Variants in LRP10 observed in about 807,000 individuals in gnomAD.
The protein encoded by LRP10 is LDL receptor related protein 10, also known as low-density lipoprotein receptor-related protein 10.
Under a neutral mutation model 58.5 loss-of-function variants are expected in LRP10, and 42 were observed. The ratio of observed to expected loss-of-function variants is 0.72; its 90% CI spans 0.56 to 0.93. LRP10 has a LOEUF of 0.93. Among genes scored for constraint, LRP10 ranks in the 40% least tolerant of loss-of-function variants. The pLI, the probability that LRP10 is intolerant of heterozygous loss-of-function variation, is 0.00. For synonymous variants in LRP10, 377 were observed against 388.5 expected, an observed-to-expected ratio of 0.97 and a Z score of 0.35; for missense variants, 872 against 940.1, an observed-to-expected ratio of 0.93 and a Z score of 0.95.
Position 22,872,034 on chromosome 14 carries a change from G to C in LRP10, c.-270G>C, listed in dbSNP as rs1404801760. The C allele has an allele frequency of 1.8e-6, 1 of 569,432 alleles. No individual in the cohort carries two copies. The highest frequency in any genetic ancestry group is 2.0e-5 in the South Asian group (1 of 49,480). 35.3% of individuals were successfully genotyped at this position (569,432 alleles called of 1,614,324 possible). A position where few individuals can be genotyped will look rare whatever the true frequency, so the allele number is the denominator to read the frequency against. On this transcript the variant is annotated 5_prime_UTR_variant, in exon 1 of 7. Transcript: ENST00000359591. Reference sequence around the variant, plus strand: ...GGGCGCGCCCCAGTGCCGAGACCCGGGGCTTCAGGAGCCGGCCCCGGGAGA... The same window carrying C: ...GGGCGCGCCCCAGTGCCGAGACCCGCGGCTTCAGGAGCCGGCCCCGGGAGA...
chr14:22,875,702 G>A lies in LRP10; in HGVS notation c.754G>A (p.Gly252Ser), dbSNP rs568022752. 2.5e-5 allele frequency: 40 copies of A among 1,613,906 alleles called. No homozygotes were observed. Among genetic ancestry groups the A allele is most frequent in the South Asian group, 7.7e-5 (7 of 91,084 alleles). ...GFGDAVHVYD[G>S]PGPPESSRLL... is the part of the protein sequence containing the mutation. ...TGGAGATGCAGTGCATGTGTATGAC[G>A]GCCCTGGGCCCCCTGAGAGCTCCCG... is the stretch of plus-strand genomic sequence containing the variant. The change falls in exon 5 of 7, where the codon GGC becomes AGC. Residue 252 changes from glycine to serine, a missense_variant. Transcript: ENST00000359591.
intron 6 of LRP10, 48 bp downstream of exon 6, chr14:22,876,866 G>A (rs1254653652): frequency 1.2e-6 from 2 of 1,604,704 alleles, no homozygotes; most frequent in African/African-American, 1.3e-5. Flanking sequence ...CAGTTCTGCT[G>A]TGGCCCCGCC....
intron 3 of LRP10, 80 bp downstream of exon 3, chr14:22,873,526 C>CTTTT: frequency 6.5e-6 from 8 of 1,230,190 alleles, no homozygotes; most frequent in Admixed American, 3.0e-5. Flanking sequence ...GGGATCACTT[C>CTTTT]TTTTTTTTTT....
chr14:22,877,757 C>T lies in LRP10; in HGVS notation c.*230C>T, dbSNP rs898810029. 1 of 437,044 alleles carries T rather than the reference C, an allele frequency of 2.3e-6. No individual in the cohort carries two copies. The highest frequency in any genetic ancestry group is 2.0e-5 in the African/African-American group (1 of 49,442). The allele number at this position is 437,044 out of a possible 1,614,324, so 27.1% of individuals were successfully genotyped here. ...CTGTACGTGGCCATGGCCAGACACC[C>T]CAGTCCCTTCACCACCACCTGCTCC... is the stretch of plus-strand genomic sequence containing the variant. On this transcript the variant is annotated 3_prime_UTR_variant, in exon 7 of 7. Transcript: ENST00000359591. The surrounding 1 kb of genome is among the most constrained non-coding windows in gnomAD (Gnocchi z 5.1).
chr14:22,874,221 A>G (rs1198132285), intron 3 of LRP10, among the ~76,000 whole-genome samples: 1 of 152,238 alleles, frequency 6.6e-6, no homozygotes, highest in Non-Finnish European at 1.5e-5. Context: ...TTTGCCTCAC[A>G]TAGTTCATTT....
At chr14:22,872,681 A>C in intron 1 of LRP10, 57 bp from the exon 2 acceptor site, 1 of 1,572,490 alleles carries the variant, frequency 6.4e-7, no homozygotes, top group Non-Finnish European at 8.7e-7. Context: ...GCTCAGGTGA[A>C]GAAGAAAACT....
Position 22,875,853 on chromosome 14 carries a change from A to G in LRP10, c.905A>G (p.Tyr302Cys), listed in dbSNP as rs2039998764. 6.2e-7 allele frequency: 1 copy of G among 1,613,854 alleles called. No individual in the cohort carries two copies. Among genetic ancestry groups the G allele is most frequent in the African/African-American group, 1.3e-5 (1 of 74,932 alleles). The change falls in exon 5 of 7, where the codon TAC becomes TGC. Residue 302 changes from tyrosine (Y) to cysteine (C), a missense_variant. Transcript: ENST00000359591. ...WSNGRGFNAT[Y>C]HVRGYCLPWD... ...AATGGTCGTGGCTTCAATGCCACCT[A>G]CCATGTGCGGGGCTATTGCTTGCCT...
At position 22,876,364 on chromosome 14, in the gene LRP10, G is replaced by A. The variant is rs754287951; in HGVS notation, c.1416G>A (p.Gln472=). The A allele has an allele frequency of 2.5e-6, 4 of 1,613,558 alleles. No individual in the cohort carries two copies. The African/African-American group carries it at 5.3e-5, about 22-fold the overall frequency. ...GCAAGCTCTATGCCATTCGCACCCA[G>A]GAGTACAGGTCAGTGGGAGTGGGGC... ...CTCKLYAIRT[Q]EYSIFAPLSR... is the part of the protein sequence containing the mutation. The change falls in exon 5 of 7, where the codon CAG becomes CAA. Residue 472 remains glutamine (Q), a synonymous_variant. Coordinates refer to ENST00000359591, the MANE Select transcript of LRP10 (RefSeq NM_014045.5).
Position 22,876,024 on chromosome 14 carries a change from G to GACAC in LRP10, c.1077_1080dup (p.Phe361ThrfsTer20). 2 of 1,613,304 alleles carry GACAC rather than the reference G, an allele frequency of 1.2e-6. No homozygotes were observed. The highest frequency in any genetic ancestry group is 1.7e-6 in the Non-Finnish European group (2 of 1,179,962). ...GAGGACTGCCCAGGCTGCCCACCTG[G>GACAC]ACACTTCCCCTGTGGGGCTGCTGGC... On this transcript the variant is annotated frameshift_variant, in exon 5 of 7. Coordinates refer to ENST00000359591, the MANE Select transcript of LRP10 (RefSeq NM_014045.5). LOFTEE classifies it high-confidence loss of function.
In LRP10 at chr14:22,872,784, T is replaced by G; in HGVS notation, c.79+2T>G. On this transcript the variant is annotated splice_donor_variant, in intron 2 of 6. Coordinates refer to ENST00000359591, the MANE Select transcript of LRP10 (RefSeq NM_014045.5). LOFTEE classifies it high-confidence loss of function. ...ACCGGATTATTTTTCCAAATCATGG[T>G]GAGTTGAGGGAACCTCTGGGGCTCC... The G allele has an allele frequency of 6.2e-7, 1 of 1,613,994 alleles. No homozygotes were observed. Among genetic ancestry groups the G allele is most frequent in the Non-Finnish European group, 8.5e-7 (1 of 1,179,980 alleles).
At chr14:22,872,470 C>T (rs2039965477) in intron 1 of LRP10, 133 bp downstream of exon 1, 3 of 1,059,440 alleles carry the variant, frequency 2.8e-6, no homozygotes, top group South Asian at 1.4e-5. Context: ...CCAGCACTGC[C>T]GGCCCCAACC....
intron 1 of LRP10, 50 bp downstream of exon 1, chr14:22,872,387 A>C: frequency 6.2e-7 from 1 of 1,609,008 alleles, no homozygotes; most frequent in East Asian, 2.2e-5. Context: ...CCGGGCCAGC[A>C]GCTCTAACTC....
At chr14:22,872,810 G>A (rs755588763) in intron 2 of LRP10, 28 bp downstream of exon 2, 22 of 1,612,686 alleles carry the variant, frequency 1.4e-5, no homozygotes. Flanking sequence ...CTGGGGCTCC[G>A]TGGGCTTGGG....
At chr14:22,873,587 C>T (rs572990429) in intron 3 of LRP10, 141 bp downstream of exon 3, 5 of 1,054,774 alleles carry the variant, frequency 4.7e-6, no homozygotes, top group East Asian at 5.6e-5. Flanking sequence ...TGCAATGGCG[C>T]GATCTCAGCT....
At position 22,873,333 on chromosome 14, in the gene LRP10, G is replaced by A. The variant is rs376139346; in HGVS notation, c.102G>A (p.Val34=). 3.1e-6 allele frequency: 5 copies of A among 1,614,110 alleles called. No individual in the cohort carries two copies. The highest frequency in any genetic ancestry group is 2.2e-5 in the East Asian group (1 of 44,878). Reference sequence around the variant, plus strand: ...CAGCTTGTGAGGACCCCCCAGCAGTGCTCTTAGAAGTGCAGGGCACCTTAC... The same window carrying A: ...CAGCTTGTGAGGACCCCCCAGCAGTACTCTTAGAAGTGCAGGGCACCTTAC... ...PNHACEDPPA[V]LLEVQGTLQR... The change falls in exon 3 of 7, where the codon GTG becomes GTA. Residue 34 remains valine (V), a synonymous_variant. Transcript: ENST00000359591.
At position 22,879,894 on chromosome 14, in the gene LRP10, C is replaced by T. The variant is rs1322677075; in HGVS notation, c.*2367C>T. The T allele has an allele frequency of 1.3e-5, 2 of 152,138 alleles. No homozygotes were observed. The highest frequency in any genetic ancestry group is 4.8e-5 in the African/African-American group (2 of 41,400). 9.4% of individuals were successfully genotyped at this position (152,138 alleles called of 1,614,324 possible). On this transcript the variant is annotated 3_prime_UTR_variant, in exon 7 of 7. Transcript: ENST00000359591. ...GGGGAGCAGTCACTCAGGTTTATTT[C>T]CACCAGGGCCCAAGAAAAAAAGAAA...
chr14:22,872,311 T>G lies in LRP10; in HGVS notation c.8T>G (p.Leu3Trp). The part of the protein sequence containing the change: ML[L>W]ATLLLLLLGG... ...ACCTCTGGACAGCCCAGGATGCTGTTGGCCACCCTCCTCCTCCTCCTCCTT... is the reference window on the plus strand; with the variant it reads ...ACCTCTGGACAGCCCAGGATGCTGTGGGCCACCCTCCTCCTCCTCCTCCTT... Residue 3 changes from leucine (L) to tryptophan (W), a missense_variant, in exon 1 of 7, where the codon TTG becomes TGG. Physicochemically the swap from Leu to Trp is moderately conservative, Grantham distance 61. Transcript: ENST00000359591. The G allele has an allele frequency of 1.2e-6, 2 of 1,613,984 alleles. No homozygotes were observed. Among genetic ancestry groups the G allele is most frequent in the Non-Finnish European group, 1.7e-6 (2 of 1,179,936 alleles).
Position 22,875,066 on chromosome 14 carries a change from T to G in LRP10, c.227T>G (p.Leu76Arg). The stretch of plus-strand genomic sequence containing the variant: ...CTCTACTCCCATAGGTTCCAGAAGC[T>G]ACACCTGGCCTGTGGCTCAGAGCGC... ...EQTVTIRFQK[L>R]HLACGSERLT... Residue 76 changes from leucine to arginine, a missense_variant, in exon 4 of 7, where the codon CTA becomes CGA. Physicochemically the swap from Leu to Arg is moderately radical, Grantham distance 102. Transcript: ENST00000359591. 2 of 1,575,008 alleles carry G rather than the reference T, an allele frequency of 1.3e-6. No homozygotes were observed. Among genetic ancestry groups the G allele is most frequent in the Non-Finnish European group, 1.7e-6 (2 of 1,159,380 alleles).
intron 1 of LRP10, 115 bp from the exon 2 acceptor site, chr14:22,872,623 C>A (rs1250715575): frequency 2.0e-6 from 2 of 1,019,060 alleles, no homozygotes; most frequent in Non-Finnish European, 3.0e-6. Flanking sequence ...GCCCCCCACT[C>A]CCTCTTCCGA....
Sources: gnomAD v4.1 joint callset for allele counts (sites outside exome capture counted in the v4.1 genomes callset) on GRCh38, gnomAD v4.1.1 for gene constraint, Gnocchi (gnomAD v3.1) non-coding constraint, MANE v1.5 for transcripts, NCBI Gene and HGNC (gene_info 2026-07-23, HGNC 2026-07-21) for gene names.